PCDHB5: variants seen among roughly 807,000 people sequenced by gnomAD.
PCDHB5 encodes protocadherin beta 5.
For missense variants in PCDHB5, 1,125 were observed against 1,029.4 expected, an observed-to-expected ratio of 1.09 and a Z score of -1.27; for synonymous variants, 569 against 462.2, an observed-to-expected ratio of 1.23 and a Z score of -2.96.
Position 141,137,679 on chromosome 5 carries a change from C to A in PCDHB5, c.2245C>A (p.His749Asn), listed in dbSNP as rs782616149. 1.2e-4 allele frequency: 191 copies of A among 1,614,226 alleles called. No individual in the cohort carries two copies. The highest frequency in any genetic ancestry group is 5.2e-4 in the South Asian group (47 of 91,072). ...CACCGGGACCCTATCCCAGAGCTAC[C>A]ACTACGAGGTGTGTTTGACCGGAGA... ...SGTGTLSQSY[H>N]YEVCLTGDSG... The change falls in exon 1 of 1, where the codon CAC (histidine) becomes AAC (asparagine). Residue 749 changes from histidine (H) to asparagine (N), a missense_variant. Transcript: ENST00000231134.
At position 141,136,575 on chromosome 5, in the gene PCDHB5, A is replaced by C; in HGVS notation, c.1141A>C (p.Ile381Leu). The part of the protein sequence containing the change: ...DPDSGDNGRM[I>L]CSIQNDLPFL... ...AGACTCCGGGGACAACGGTAGGATG[A>C]TTTGCTCCATCCAGAATGATCTCCC... The change falls in exon 1 of 1, where the codon ATT (isoleucine) becomes CTT (leucine). Residue 381 changes from isoleucine to leucine, a missense_variant. Ile to Leu is a conservative substitution (Grantham distance 5). Transcript: ENST00000231134. The C allele has an allele frequency of 2.5e-6, 4 of 1,614,120 alleles. No homozygotes were observed. The highest frequency in any genetic ancestry group is 3.4e-6 in the Non-Finnish European group (4 of 1,180,018).
rs138582871 is a variant in PCDHB5, at chr5:141,135,557, T to C, written c.123T>C (p.Ser41=). 766 of 1,614,056 alleles carry C rather than the reference T, an allele frequency of 4.7e-4. 4 individuals are homozygous for C. The highest frequency in any genetic ancestry group is 1.7e-3 in the South Asian group (152 of 91,064). Reference sequence around the variant, plus strand: ...ATTCCATACCAGAAGAAACAGAAAGTGGCTATTCTGTGGCCAACCTGGCAA... The same window carrying C: ...ATTCCATACCAGAAGAAACAGAAAGCGGCTATTCTGTGGCCAACCTGGCAA... ...VRYSIPEETE[S]GYSVANLAKD... Residue 41 remains serine, a synonymous_variant, in exon 1 of 1, where the codon AGT becomes AGC. Coordinates refer to ENST00000231134, the MANE Select transcript of PCDHB5 (RefSeq NM_015669.5).
Position 141,136,756 on chromosome 5 carries a change from C to T in PCDHB5, c.1322C>T (p.Ser441Phe), listed in dbSNP as rs1361648914. The T allele has an allele frequency of 3.3e-5, 54 of 1,613,954 alleles. No homozygotes were observed. Among genetic ancestry groups the T allele is most frequent in the Non-Finnish European group, 4.3e-5 (51 of 1,180,022 alleles). Residue 441 changes from serine (S) to phenylalanine (F), a missense_variant, in exon 1 of 1, where the codon TCC (serine) becomes TTC (phenylalanine). By Grantham distance (155) the Ser-to-Phe change is radical. Transcript: ENST00000231134. ...GAGCACAACATAACGGTCCTGGTCT[C>T]CGACGTCAATGACAACGCCCCCGCC... is the stretch of plus-strand genomic sequence containing the variant. The part of the protein sequence containing the change: ...KTEHNITVLV[S>F]DVNDNAPAFT...
chr5:141,137,752 T>G lies in PCDHB5; in HGVS notation c.2318T>G (p.Leu773Arg), dbSNP rs1448053711. 1 of 1,613,908 alleles carries G rather than the reference T, an allele frequency of 6.2e-7. No homozygotes were observed. Among genetic ancestry groups the G allele is most frequent in the South Asian group, 1.1e-5 (1 of 91,052 alleles). Residue 773 changes from leucine (L) to arginine (R), a missense_variant, in exon 1 of 1, where the codon CTT becomes CGT. By Grantham distance (102) the Leu-to-Arg change is moderately radical. Coordinates refer to ENST00000231134, the MANE Select transcript of PCDHB5 (RefSeq NM_015669.5). ...TTCCTGAAGCCGATTATTCCTAACC[T>G]TTTGCCCCAGGGCGCTGGTGAAGAA... ...FKFLKPIIPN[L>R]LPQGAGEEIG...
In PCDHB5 at chr5:141,137,911, C is replaced by A; in HGVS notation, c.*89C>A. On this transcript the variant is annotated 3_prime_UTR_variant, in exon 1 of 1. Transcript: ENST00000231134. ...AGAGTGTCATGGACAAAAATTTCAC[C>A]TTGAGATTGAGCTTTTATTTCCCTT... 2.5e-6 allele frequency: 3 copies of A among 1,216,618 alleles called. No homozygotes were observed. The highest frequency in any genetic ancestry group is 3.5e-6 in the Non-Finnish European group (3 of 864,496). 75.4% of individuals were successfully genotyped at this position (1,216,618 alleles called of 1,614,324 possible).
In PCDHB5 at chr5:141,137,579, G is replaced by A; in HGVS notation, c.2145G>A (p.Arg715=). 1 of 1,612,662 alleles carries A rather than the reference G, an allele frequency of 6.2e-7. No individual in the cohort carries two copies. The highest frequency in any genetic ancestry group is 2.2e-5 in the East Asian group (1 of 44,852). Residue 715 remains arginine, a synonymous_variant, in exon 1 of 1, where the codon AGG becomes AGA. Transcript: ENST00000231134. ...LLFVAVRLCR[R]SRAAPVGRCS... is the part of the protein sequence containing the mutation. Reference sequence around the variant, plus strand: ...TCGTGGCAGTGCGGCTGTGCAGGAGGAGCAGGGCGGCCCCGGTCGGTCGCT... The same window carrying A: ...TCGTGGCAGTGCGGCTGTGCAGGAGAAGCAGGGCGGCCCCGGTCGGTCGCT...
At position 141,137,155 on chromosome 5, in the gene PCDHB5, T is replaced by G; in HGVS notation, c.1721T>G (p.Leu574Arg). Residue 574 changes from leucine to arginine, a missense_variant, in exon 1 of 1, where the codon CTG (leucine) becomes CGG (arginine). By Grantham distance (102) the Leu-to-Arg change is moderately radical (BLOSUM62 -2). Transcript: ENST00000231134. Reference sequence around the variant, plus strand: ...AACGGCTCGGCGCCTTGCACCGAGCTGGTGCCCCGGGCGGCCGAGCCGGGC... The same window carrying G: ...AACGGCTCGGCGCCTTGCACCGAGCGGGTGCCCCGGGCGGCCGAGCCGGGC... Reference protein sequence around the residue: ...LQNGSAPCTELVPRAAEPGYL... With the variant: ...LQNGSAPCTERVPRAAEPGYL... 6.2e-7 allele frequency: 1 copy of G among 1,610,776 alleles called. No individual in the cohort carries two copies. The highest frequency in any genetic ancestry group is 8.5e-7 in the Non-Finnish European group (1 of 1,179,556).
chr5:141,138,610 A>G lies in PCDHB5; in HGVS notation c.*788A>G, dbSNP rs1326573601. On this transcript the variant is annotated 3_prime_UTR_variant, in exon 1 of 1. Coordinates refer to ENST00000231134, the MANE Select transcript of PCDHB5 (RefSeq NM_015669.5). ...ATATAAATGGAGTAATAAAGTATGAACTGCTTGTGTCTGGCTTTTTTCACT... is the reference window on the plus strand; with the variant it reads ...ATATAAATGGAGTAATAAAGTATGAGCTGCTTGTGTCTGGCTTTTTTCACT... 2 of 152,194 alleles carry G rather than the reference A, an allele frequency of 1.3e-5. No homozygotes were observed. Among genetic ancestry groups the G allele is most frequent in the Non-Finnish European group, 2.9e-5 (2 of 68,026 alleles). The allele number at this position is 152,194 out of a possible 1,614,324, so 9.4% of individuals were successfully genotyped here.
rs782101113 is a variant in PCDHB5 at position 141,135,758 on chromosome 5, C to T, written c.324C>T (p.Leu108=). Reference sequence around the variant, plus strand: ...AACCCTGTATATTGCATTTCCAGCTCTTACTAGAAAATCCAGTGCAGTTTT... The same window carrying T: ...AACCCTGTATATTGCATTTCCAGCTTTTACTAGAAAATCCAGTGCAGTTTT... ...ATEPCILHFQ[L]LLENPVQFFQ... is the part of the protein sequence containing the mutation. Residue 108 remains leucine (L), a synonymous_variant, in exon 1 of 1, where the codon CTC becomes CTT. Coordinates refer to ENST00000231134, the MANE Select transcript of PCDHB5 (RefSeq NM_015669.5). The T allele has an allele frequency of 6.2e-7, 1 of 1,613,970 alleles. No homozygotes were observed. The highest frequency in any genetic ancestry group is 2.2e-5 in the East Asian group (1 of 44,890).
Position 141,135,779 on chromosome 5 carries a change from G to GT in PCDHB5, c.351dup (p.Gln118SerfsTer3), listed in dbSNP as rs1233200923. ...AGCTCTTACTAGAAAATCCAGTGCA[G>GT]TTTTTTCAAACTGATCTGCAGCTCA... On this transcript the variant is annotated frameshift_variant, in exon 1 of 1. Coordinates refer to ENST00000231134, the MANE Select transcript of PCDHB5 (RefSeq NM_015669.5). LOFTEE classifies it low-confidence loss of function (END_TRUNC). 2.5e-6 allele frequency: 4 copies of GT among 1,613,976 alleles called. No homozygotes were observed. Among genetic ancestry groups the GT allele is most frequent in the Admixed American group, 1.7e-5 (1 of 60,012 alleles).
chr5:141,136,197 AG>A lies in PCDHB5; in HGVS notation c.764del (p.Ser255ThrfsTer6). On this transcript the variant is annotated frameshift_variant, in exon 1 of 1. Coordinates refer to ENST00000231134, the MANE Select transcript of PCDHB5 (RefSeq NM_015669.5). LOFTEE classifies it low-confidence loss of function (END_TRUNC). ...SFYEVQVPENSPLNSLVVVVS... is the reference protein window; with the variant it reads ...SFYEVQVPENXPLNSLVVVVS... The stretch of plus-strand genomic sequence containing the variant: ...CTATGAGGTACAGGTGCCCGAGAAC[AG>A]CCCCCTTAACTCCTTAGTTGTCGTT... 2 of 1,614,112 alleles carry A rather than the reference AG, an allele frequency of 1.2e-6. No individual in the cohort carries two copies. Among genetic ancestry groups the A allele is most frequent in the Non-Finnish European group, 1.7e-6 (2 of 1,180,016 alleles).
Position 141,135,229 on chromosome 5 carries a change from C to A in PCDHB5, c.-206C>A, listed in dbSNP as rs1588323695. On this transcript the variant is annotated 5_prime_UTR_variant, in exon 1 of 1. Transcript: ENST00000231134. ...CTAAGAGTGTGGATAGTGGGCTCTG[C>A]GGATAACTCAGACGCCATTAAGCTG... 4 of 530,152 alleles carry A rather than the reference C, an allele frequency of 7.5e-6. No individual in the cohort carries two copies. The highest frequency in any genetic ancestry group is 1.3e-5 in the Non-Finnish European group (4 of 302,710). The allele number at this position is 530,152 out of a possible 1,614,324, so 32.8% of individuals were successfully genotyped here.
In PCDHB5 at chr5:141,137,325, G is replaced by C. The variant is rs782636344; in HGVS notation, c.1891G>C (p.Glu631Gln). ...GEVRTARLLS[E>Q]RDAAKHRLVV... ...GGTGCGCACCGCCAGGCTGCTGAGC[G>C]AGCGCGACGCGGCCAAGCACAGGCT... Residue 631 changes from glutamate (E) to glutamine (Q), a missense_variant, in exon 1 of 1, where the codon GAG (glutamate) becomes CAG (glutamine). By Grantham distance (29) the Glu-to-Gln change is conservative (BLOSUM62 2). Coordinates refer to ENST00000231134, the MANE Select transcript of PCDHB5 (RefSeq NM_015669.5). 5 of 1,609,846 alleles carry C rather than the reference G, an allele frequency of 3.1e-6. No individual in the cohort carries two copies. The highest frequency in any genetic ancestry group is 1.3e-5 in the African/African-American group (1 of 74,860).
rs574518061 is a variant in PCDHB5, at chr5:141,137,482, A to G, written c.2048A>G (p.Asp683Gly). 1 of 1,611,378 alleles carries G rather than the reference A, an allele frequency of 6.2e-7. No homozygotes were observed. Among genetic ancestry groups the G allele is most frequent in the African/African-American group, 1.3e-5 (1 of 74,420 alleles). The part of the protein sequence containing the change: ...PEAAPAQAQA[D>G]SLTVYLVVAL... The stretch of plus-strand genomic sequence containing the variant: ...GCGGCCCCGGCCCAGGCCCAGGCCG[A>G]CTCGCTCACTGTCTACCTGGTGGTG... The change falls in exon 1 of 1, where the codon GAC becomes GGC. Residue 683 changes from aspartate to glycine, a missense_variant. Coordinates refer to ENST00000231134, the MANE Select transcript of PCDHB5 (RefSeq NM_015669.5).
Position 141,137,487 on chromosome 5 carries a change from C to T in PCDHB5, c.2053C>T (p.Leu685Phe), listed in dbSNP as rs139772435. Reference sequence around the variant, plus strand: ...CCCGGCCCAGGCCCAGGCCGACTCGCTCACTGTCTACCTGGTGGTGGCATT... The same window carrying T: ...CCCGGCCCAGGCCCAGGCCGACTCGTTCACTGTCTACCTGGTGGTGGCATT... ...AAPAQAQADS[L>F]TVYLVVALAS... Residue 685 changes from leucine (L) to phenylalanine (F), a missense_variant, in exon 1 of 1, where the codon CTC (leucine) becomes TTC (phenylalanine). Coordinates refer to ENST00000231134, the MANE Select transcript of PCDHB5 (RefSeq NM_015669.5). The T allele has an allele frequency of 2.9e-3, 4,670 of 1,612,846 alleles. 15 individuals are homozygous for T. The highest frequency in any genetic ancestry group is 3.4e-3 in the Non-Finnish European group (3,982 of 1,179,766).
chr5:141,136,876 C>T lies in PCDHB5; in HGVS notation c.1442C>T (p.Thr481Ile), dbSNP rs113637338. The T allele has an allele frequency of 1.2e-5, 19 of 1,612,814 alleles. No individual in the cohort carries two copies. The highest frequency in any genetic ancestry group is 4.5e-5 in the East Asian group (2 of 44,872). ...SVSATDRDSG[T>I]NAQVTYSLLP... ...AGCGCCACAGACAGAGACTCAGGCA[C>T]CAACGCCCAGGTCACCTACTCGCTG... Residue 481 changes from threonine to isoleucine, a missense_variant, in exon 1 of 1, where the codon ACC becomes ATC. Transcript: ENST00000231134.
rs372115621 is a variant in PCDHB5 at position 141,137,766 on chromosome 5, G to T, written c.2332G>T (p.Ala778Ser). 9.9e-5 allele frequency: 159 copies of T among 1,613,786 alleles called. 4 individuals are homozygous for T. Among genetic ancestry groups the T allele is most frequent in the East Asian group, 8.2e-4 (37 of 44,872 alleles). The change falls in exon 1 of 1, where the codon GCT becomes TCT. Residue 778 changes from alanine (A) to serine (S), a missense_variant. Ala to Ser is a moderately conservative substitution (Grantham distance 99, BLOSUM62 1). Coordinates refer to ENST00000231134, the MANE Select transcript of PCDHB5 (RefSeq NM_015669.5). ...PIIPNLLPQG[A>S]GEEIGKTAAF... is the part of the protein sequence containing the mutation. ...TATTCCTAACCTTTTGCCCCAGGGC[G>T]CTGGTGAAGAAATAGGGAAAACTGC...
In PCDHB5 at chr5:141,136,485, C is replaced by G. The variant is rs782727748; in HGVS notation, c.1051C>G (p.Leu351Val). 5.6e-6 allele frequency: 9 copies of G among 1,613,948 alleles called. No individual in the cohort carries two copies. The highest frequency in any genetic ancestry group is 5.0e-5 in the Admixed American group (3 of 59,996). Residue 351 changes from leucine to valine, a missense_variant, in exon 1 of 1, where the codon CTC (leucine) becomes GTC (valine). Physicochemically the swap from Leu to Val is conservative, Grantham distance 32. Transcript: ENST00000231134. ...CGCCCCTGAACTCACCATGTCTACG[C>G]TCTCCAGCCCTACCCCAGAAAATGC... ...DNAPELTMST[L>V]SSPTPENAPE...
rs1372544236 is a variant in PCDHB5, at chr5:141,137,598, G to A, written c.2164G>A (p.Gly722Ser). 10 of 1,613,116 alleles carry A rather than the reference G, an allele frequency of 6.2e-6. No individual in the cohort carries two copies. Among genetic ancestry groups the A allele is most frequent in the Non-Finnish European group, 8.5e-6 (10 of 1,180,026 alleles). The change falls in exon 1 of 1, where the codon GGT becomes AGT. Residue 722 changes from glycine (G) to serine (S), a missense_variant. By Grantham distance (56) the Gly-to-Ser change is moderately conservative. Transcript: ENST00000231134. ...CAGGAGGAGCAGGGCGGCCCCGGTCGGTCGCTGCTCGGTGCCCGAGGGCCC... is the reference window on the plus strand; with the variant it reads ...CAGGAGGAGCAGGGCGGCCCCGGTCAGTCGCTGCTCGGTGCCCGAGGGCCC... ...LCRRSRAAPV[G>S]RCSVPEGPFP...
Sources: allele counts gnomAD v4.1 joint callset, GRCh38; gene constraint gnomAD v4.1.1; transcripts MANE v1.5; gene names NCBI Gene and HGNC (gene_info 2026-07-23, HGNC 2026-07-21).